SPHKAP: variants seen among roughly 807,000 people sequenced by gnomAD.
SPHKAP encodes the protein SPHK1 interactor, AKAP domain containing.
A neutral mutation model predicts 137.5 loss-of-function variants in SPHKAP; 67 were observed. The observed-to-expected ratio is 0.49, with a 90% confidence interval of 0.40 to 0.60. SPHKAP has a LOEUF of 0.60. Among genes scored for constraint, SPHKAP ranks in the 20% least tolerant of loss-of-function variants. The pLI is 0.00. For synonymous variants in SPHKAP, 813 were observed against 785.3 expected, an observed-to-expected ratio of 1.04 and a Z score of -0.59; for missense variants, 2,097 against 2,069.3, an observed-to-expected ratio of 1.01 and a Z score of -0.26.
chr2:228,115,002 G>A (rs1056332006), intron 2 of SPHKAP, among the ~76,000 whole-genome samples: 62 of 152,254 alleles, frequency 4.1e-4, no homozygotes, highest in Middle Eastern at 3.4e-3. Flanking sequence ...GATGGCAAAG[G>A]GCTTGGCCCT....
At chr2:228,046,628 T>G (rs1453697138) in intron 3 of SPHKAP, among the ~76,000 whole-genome samples, 1 of 152,172 alleles carries the variant, frequency 6.6e-6, no homozygotes, top group East Asian at 1.9e-4. Context: ...CTTTCATATT[T>G]CAATGTTTCT....
intron 1 of SPHKAP, among the ~76,000 whole-genome samples, chr2:228,146,707 C>T (rs890279618): frequency 1.3e-5 from 2 of 152,210 alleles, no homozygotes; most frequent in South Asian, 2.1e-4. Context: ...TCCAGTTCCA[C>T]GCGTGTTCCC....
At chr2:227,982,330 A>G in intron 11 of SPHKAP, 1 of 985,386 alleles carries the variant, frequency 1.0e-6, no homozygotes, top group Non-Finnish European at 1.2e-6. Context: ...TTGATTCTTC[A>G]TTCCATCCTG....
At chr2:228,021,631 C>T (rs1574760432) in intron 6 of SPHKAP, 80 bp downstream of exon 6, 20 of 1,518,968 alleles carry the variant, frequency 1.3e-5, no homozygotes, top group Non-Finnish European at 1.7e-5. Flanking sequence ...ACTGATGTGG[C>T]CTGGAACTTT....
chr2:228,079,797 G>C (rs944664770), intron 3 of SPHKAP, among the ~76,000 whole-genome samples: 1 of 152,114 alleles, frequency 6.6e-6, no homozygotes, highest in Non-Finnish European at 1.5e-5. Flanking sequence ...CACCCCAGTG[G>C]ATCCTGGCCT....
intron 11 of SPHKAP, chr2:227,982,137 G>A (rs1279825663): frequency 1.0e-5 from 10 of 980,216 alleles, no homozygotes; most frequent in Non-Finnish European, 1.2e-5. Flanking sequence ...TTTTTTTTAA[G>A]AGCCAGTCTT....
intron 1 of SPHKAP, among the ~76,000 whole-genome samples, chr2:228,158,756 C>T (rs990281447): frequency 2.0e-5 from 3 of 152,170 alleles, no homozygotes; most frequent in African/African-American, 7.2e-5. Flanking sequence ...ACATATTTCA[C>T]ATCTATTTCA....
In SPHKAP at chr2:228,018,850, T is replaced by C. The variant is rs779576708; in HGVS notation, c.2004A>G (p.Ala668=). 6.2e-7 allele frequency: 1 copy of C among 1,614,108 alleles called. No homozygotes were observed. The highest frequency in any genetic ancestry group is 8.5e-7 in the Non-Finnish European group (1 of 1,180,042). The change falls in exon 7 of 12, where the codon GCA becomes GCG. Residue 668 remains alanine (A), a synonymous_variant. Coordinates refer to ENST00000392056, the MANE Select transcript of SPHKAP (RefSeq NM_001142644.2). ...CSENVVRNEL[A]HTLSNVILRH... is the part of the protein sequence containing the mutation. ...TCAGGATAACATTGGACAGGGTATG[T>C]GCCAGTTCATTCCTGACGACATTTT...
chr2:228,104,800 G>A (rs768604453), intron 3 of SPHKAP, among the ~76,000 whole-genome samples: 41 of 152,208 alleles, frequency 2.7e-4, no homozygotes, highest in Non-Finnish European at 4.7e-4. Flanking sequence ...TAACCAATAC[G>A]AAAACAGCCT....
chr2:228,061,480 T>A (rs1696630631), intron 3 of SPHKAP, among the ~76,000 whole-genome samples: 1 of 151,950 alleles, frequency 6.6e-6, no homozygotes, highest in African/African-American at 2.4e-5. Flanking sequence ...TCATGTTGAC[T>A]GGGCTGGTCT....
At chr2:228,123,570 T>A (rs1438543496) in intron 2 of SPHKAP, among the ~76,000 whole-genome samples, 1 of 152,224 alleles carries the variant, frequency 6.6e-6, no homozygotes, top group African/African-American at 2.4e-5. Flanking sequence ...TTCCATCATG[T>A]GAATATCTAG....
intron 3 of SPHKAP, among the ~76,000 whole-genome samples, chr2:228,089,390 G>C (rs4542845): frequency 0.026 from 3,964 of 152,320 alleles, 75 homozygotes; most frequent in Admixed American, 0.043. Flanking sequence ...CCTACAGTTA[G>C]ATGCAGGGGC....
At chr2:228,077,450 T>G (rs1016976761) in intron 3 of SPHKAP, among the ~76,000 whole-genome samples, 1 of 152,184 alleles carries the variant, frequency 6.6e-6, no homozygotes, top group African/African-American at 2.4e-5. Flanking sequence ...AACCCACCTC[T>G]TGCATCAGTG....
intron 3 of SPHKAP, among the ~76,000 whole-genome samples, chr2:228,055,547 T>G (rs920273127): frequency 4.6e-5 from 7 of 152,278 alleles, no homozygotes; most frequent in Non-Finnish European, 8.8e-5. Flanking sequence ...TCTGGCACCT[T>G]GGAGATTCTT....
In SPHKAP at chr2:228,064,490, G is replaced by A. The variant is rs567659499; in HGVS notation, c.247-36947C>T. Among the ~76,000 whole-genome samples, 4 of 152,124 alleles carry A rather than the reference G, an allele frequency of 2.6e-5. No individual in the cohort carries two copies. In the East Asian group the frequency reaches 7.7e-4, roughly 29 times the overall value. ...GTTATTTTCAGTATCACACATGTTT[G>A]TATTATGTTAAGTATTTTCATTTCT... On this transcript the variant is annotated intron_variant, in intron 3 of 11. Transcript: ENST00000392056.
At chr2:228,113,603 A>AACTCTCTCTC (rs1491134215) in intron 2 of SPHKAP, among the ~76,000 whole-genome samples, 1 of 97,948 alleles carries the variant, frequency 1.0e-5, no homozygotes, top group Non-Finnish European at 2.2e-5. Flanking sequence ...GCATTTAGCC[A>AACTCTCTCTC]TCTCTCTCTC....
At chr2:228,161,682 G>A (rs1001446854) in intron 1 of SPHKAP, among the ~76,000 whole-genome samples, 4 of 147,950 alleles carry the variant, frequency 2.7e-5, no homozygotes, top group Admixed American at 6.7e-5. Context: ...TGTCCTGCAC[G>A]TGCACCTTGG....
chr2:228,095,042 T>G (rs1271443906), intron 3 of SPHKAP, among the ~76,000 whole-genome samples: 1 of 152,052 alleles, frequency 6.6e-6, no homozygotes, highest in Non-Finnish European at 1.5e-5. Flanking sequence ...GATAATCAAT[T>G]TAAGATGAAG....
At chr2:227,989,684 C>T (rs924999733) in intron 11 of SPHKAP, among the ~76,000 whole-genome samples, 1 of 152,082 alleles carries the variant, frequency 6.6e-6, no homozygotes, top group South Asian at 2.1e-4. Context: ...CGGCTCACTG[C>T]AACCTCCACT....
Sources: allele counts gnomAD v4.1 joint callset (sites outside exome capture counted in the v4.1 genomes callset), GRCh38; gene constraint gnomAD v4.1.1; transcripts MANE v1.5; gene names NCBI Gene and HGNC (gene_info 2026-07-23, HGNC 2026-07-21).